TRIM25: variants seen among roughly 807,000 people sequenced by gnomAD.
TRIM25 encodes the protein tripartite motif containing 25.
In TRIM25, 45 loss-of-function variants were observed where a neutral mutation model predicts 65.2. The ratio of observed to expected loss-of-function variants is 0.69; its 90% CI spans 0.54 to 0.89. The LOEUF is 0.89. Among genes scored for constraint, TRIM25 ranks in the 40% least tolerant of loss-of-function variants. The pLI is 0.00. For missense variants in TRIM25, 714 were observed against 803.7 expected (o/e 0.89, Z 1.35); for synonymous variants, 321 against 340.4 (o/e 0.94, Z 0.63).
At chr17:56,906,845 C>T (rs2144360948) in intron 2 of TRIM25, among the ~76,000 whole-genome samples, 1 of 152,288 alleles carries the variant, frequency 6.6e-6, no homozygotes, top group South Asian at 2.1e-4. Flanking sequence ...ACAAGTGTCC[C>T]CCAGTGTTCA....
At position 56,907,072 on chromosome 17, in the gene TRIM25, T is replaced by A. The variant is rs367759345; in HGVS notation, c.693+1396A>T. Among the ~76,000 whole-genome samples the A allele has an allele frequency of 5.9e-5, 9 of 152,328 alleles. 1 individual carries two copies. Among genetic ancestry groups the A allele is most frequent in the East Asian group, 1.9e-4 (1 of 5,192 alleles). On this transcript the variant is annotated intron_variant, in intron 2 of 8. Coordinates refer to ENST00000316881, the MANE Select transcript of TRIM25 (RefSeq NM_005082.5). Reference sequence around the variant, plus strand: ...CCTCCACCTCCTTTTTGTCCCTTTGTCACAGGCTAGAACAAAGATGTAATG... The same window carrying A: ...CCTCCACCTCCTTTTTGTCCCTTTGACACAGGCTAGAACAAAGATGTAATG...
chr17:56,910,929 G>C lies in TRIM25; in HGVS notation c.598-2366C>G, dbSNP rs573073668. ...TATAGGACTCAGCAAGTCAGGACAG[G>C]GGGGTAGGTGTTGGCAGAGGAAGGC... On this transcript the variant is annotated intron_variant, in intron 1 of 8. Transcript: ENST00000316881. 3.3e-5 allele frequency among the ~76,000 whole-genome samples: 5 copies of C among 152,330 alleles called. No individual in the cohort carries two copies. The East Asian group carries it at 7.7e-4, about 24-fold the overall frequency.
chr17:56,901,562 C>T lies in TRIM25; in HGVS notation c.944G>A (p.Arg315Gln), dbSNP rs144571863. 7.4e-6 allele frequency: 12 copies of T among 1,613,970 alleles called. No homozygotes were observed. Among genetic ancestry groups the T allele is most frequent in the African/African-American group, 5.3e-5 (4 of 74,884 alleles). Residue 315 changes from arginine (R) to glutamine (Q), a missense_variant, in exon 4 of 9, where the codon CGA (arginine) becomes CAA (glutamine). Arg to Gln is a conservative substitution (Grantham distance 43, BLOSUM62 1). Transcript: ENST00000316881. ...FEFLEKASKL[R>Q]GISTKPVYIP... ...GTAGACTGGCTTTGTTGAGATTCCT[C>T]GCAGTTTTGATGCTTTCTGGAACAT...
intron 5 of TRIM25, among the ~76,000 whole-genome samples, chr17:56,897,042 G>C (rs914575118): frequency 1.9e-4 from 29 of 152,304 alleles, no homozygotes; most frequent in African/African-American, 6.0e-4. Flanking sequence ...GAGCCCAGGA[G>C]TTCGAGGCTG....
chr17:56,905,227 G>A (rs181047848), intron 2 of TRIM25, among the ~76,000 whole-genome samples: 227 of 152,330 alleles, frequency 1.5e-3, no homozygotes, highest in Non-Finnish European at 2.2e-3. Context: ...AGCTGGTTGT[G>A]GCAGCGCGCA....
intron 2 of TRIM25, among the ~76,000 whole-genome samples, chr17:56,906,594 A>C (rs1381019492): frequency 1.3e-5 from 2 of 152,190 alleles, no homozygotes; most frequent in South Asian, 4.1e-4. Flanking sequence ...CCCGGGTTCA[A>C]GTAATTATCC....
chr17:56,898,661 C>A (rs2144353349), intron 5 of TRIM25, among the ~76,000 whole-genome samples: 1 of 151,708 alleles, frequency 6.6e-6, no homozygotes, highest in Middle Eastern at 3.4e-3. Context: ...AAAAAATTTT[C>A]TCAAATGGTT....
chr17:56,893,256 C>G (rs1289498724), intron 8 of TRIM25, among the ~76,000 whole-genome samples: 1 of 150,012 alleles, frequency 6.7e-6, no homozygotes, highest in Non-Finnish European at 1.5e-5. Context: ...GGGCATGACA[C>G]TTTTCACTGG....
chr17:56,900,113 C>CT (rs1909379299), intron 4 of TRIM25, among the ~76,000 whole-genome samples: 1 of 152,086 alleles, frequency 6.6e-6, no homozygotes, highest in African/African-American at 2.4e-5. Context: ...ACTCAGGAGG[C>CT]TGAGGCAGGA....
In TRIM25 at chr17:56,890,408, A is replaced by C. The variant is rs896270183; in HGVS notation, c.*1292T>G. On this transcript the variant is annotated 3_prime_UTR_variant, in exon 9 of 9. Coordinates refer to ENST00000316881, the MANE Select transcript of TRIM25 (RefSeq NM_005082.5). Reference sequence around the variant, plus strand: ...CTCCCTCCCTGATCAATGTGAGCTTATATAATTGGCTTAAATGAGGAAGTC... The same window carrying C: ...CTCCCTCCCTGATCAATGTGAGCTTCTATAATTGGCTTAAATGAGGAAGTC... 2 of 356,128 alleles carry C rather than the reference A, an allele frequency of 5.6e-6. No homozygotes were observed. The highest frequency in any genetic ancestry group is 2.1e-5 in the African/African-American group (1 of 46,668). 22.1% of individuals were successfully genotyped at this position (356,128 alleles called of 1,614,324 possible). A position where few individuals can be genotyped will look rare whatever the true frequency, so the allele number is the denominator to read the frequency against.
At chr17:56,896,731 C>T (rs1216811930) in intron 5 of TRIM25, among the ~76,000 whole-genome samples, 1 of 151,706 alleles carries the variant, frequency 6.6e-6, no homozygotes, top group African/African-American at 2.4e-5. Context: ...CCTACAGGAA[C>T]TGAGTTTGGC....
In TRIM25 at chr17:56,904,354, G is replaced by A; in HGVS notation, c.828C>T (p.Thr276=). ...EEKRVNSKFD[T]IYQILLKKKS... The stretch of plus-strand genomic sequence containing the variant: ...TCTTCTTGAGGAGAATCTGATAAAT[G>A]GTGTCAAACTTGCTGTTGACCCTCT... Residue 276 remains threonine (T), a synonymous_variant, in exon 3 of 9, where the codon ACC becomes ACT. Transcript: ENST00000316881. 1 of 1,614,056 alleles carries A rather than the reference G, an allele frequency of 6.2e-7. No individual in the cohort carries two copies. The highest frequency in any genetic ancestry group is 1.1e-5 in the South Asian group (1 of 91,066).
At position 56,903,288 on chromosome 17, in the gene TRIM25, TA is replaced by T. The variant is rs1443395155; in HGVS notation, c.927+966del. ...GGTGGCGTGCGCCTGTAATCCCAGCTACTCAGGAGGCTGAGGCAGGAGGATC... is the reference window on the plus strand; with the variant it reads ...GGTGGCGTGCGCCTGTAATCCCAGCTCTCAGGAGGCTGAGGCAGGAGGATC... On this transcript the variant is annotated intron_variant, in intron 3 of 8. Transcript: ENST00000316881. 9.9e-5 allele frequency among the ~76,000 whole-genome samples: 15 copies of T among 152,242 alleles called. No individual in the cohort carries two copies. The South Asian group carries it at 3.1e-3, about 32-fold the overall frequency.
intron 5 of TRIM25, among the ~76,000 whole-genome samples, chr17:56,896,659 A>T (rs1313575649): frequency 2.2e-5 from 3 of 138,800 alleles, no homozygotes; most frequent in South Asian, 2.5e-4. Flanking sequence ...ACAAAATGAG[A>T]CCCTGTCTCA....
chr17:56,898,280 G>A (rs112013124), intron 5 of TRIM25, among the ~76,000 whole-genome samples: 52 of 150,608 alleles, frequency 3.5e-4, no homozygotes, highest in African/African-American at 1.1e-3. Context: ...ACATCTCAGC[G>A]GTATATGGAC....
chr17:56,895,390 T>G lies in TRIM25; in HGVS notation c.1316A>C (p.Lys439Thr). 1 of 1,614,134 alleles carries G rather than the reference T, an allele frequency of 6.2e-7. No homozygotes were observed. ...SHPNSTSLKA[K>T]VLETFLAKSR... ...CTTGGCCAGGAAGGTCTCCAGCACC[T>G]TGGCCTTGAGAGATGTTGAGTTCGG... The change falls in exon 8 of 9, where the codon AAG becomes ACG. Residue 439 changes from lysine to threonine, a missense_variant. By Grantham distance (78) the Lys-to-Thr change is moderately conservative (BLOSUM62 -1). This residue lies in a region of TRIM25 where 413 missense variants were observed against 498.2 expected (regional missense o/e 0.83). Coordinates refer to ENST00000316881, the MANE Select transcript of TRIM25 (RefSeq NM_005082.5).
chr17:56,901,636 A>G (rs531622962), intron 3 of TRIM25, 58 bp from the exon 4 acceptor site: 11 of 1,600,948 alleles, frequency 6.9e-6, no homozygotes, highest in Non-Finnish European at 9.4e-6. Flanking sequence ...ACCTGGGCTC[A>G]GTCCTCACCA....
intron 4 of TRIM25, 140 bp downstream of exon 4, chr17:56,901,278 AG>A: frequency 1.1e-6 from 1 of 946,444 alleles, no homozygotes; most frequent in Non-Finnish European, 1.6e-6. Flanking sequence ...GCCTCCAGAC[AG>A]AGGGCGGATG....
intron 1 of TRIM25, among the ~76,000 whole-genome samples, chr17:56,909,830 T>C (rs1248801216): frequency 6.6e-6 from 1 of 152,158 alleles, no homozygotes; most frequent in African/African-American, 2.4e-5. Flanking sequence ...ATTTTCATAA[T>C]CAATATCTGA....
Sources: allele counts gnomAD v4.1 joint callset (sites outside exome capture counted in the v4.1 genomes callset), GRCh38; gene constraint gnomAD v4.1.1; regional missense constraint gnomAD v4.1.1; transcripts MANE v1.5; gene names NCBI Gene and HGNC (gene_info 2026-07-23, HGNC 2026-07-21).